NUBPL: variants seen among roughly 807,000 people sequenced by gnomAD.
The protein encoded by NUBPL is NUBP iron-sulfur cluster assembly factor, mitochondrial.
NUBPL carries 31 observed loss-of-function variants against 45.7 expected under a neutral mutation model. The observed-to-expected ratio is 0.68, with a 90% CI of 0.51 to 0.92. The LOEUF is 0.92. Among genes scored for constraint, NUBPL ranks in the 40% least tolerant of loss-of-function variants. NUBPL has a pLI of 0.00. For synonymous variants in NUBPL, 144 were observed against 140.9 expected (o/e 1.02, Z -0.15); for missense variants, 401 against 398.7 (o/e 1.01, Z -0.05).
chr14:31,673,908 A>T (rs970834103), intron 6 of NUBPL, among the ~76,000 whole-genome samples: 1 of 152,186 alleles, frequency 6.6e-6, no homozygotes, highest in Non-Finnish European at 1.5e-5. Flanking sequence ...ATTGTGGTCA[A>T]TATTGAGTTA....
At chr14:31,666,239 A>ATG (rs1566486956) in intron 4 of NUBPL, among the ~76,000 whole-genome samples, 1 of 22,818 alleles carries the variant, frequency 4.4e-5, no homozygotes, top group East Asian at 2.5e-3. Flanking sequence ...ATATATATAT[A>ATG]TATATATATA....
chr14:31,856,746 T>G (rs1411870176), intron 10 of NUBPL, among the ~76,000 whole-genome samples: 1 of 152,220 alleles, frequency 6.6e-6, no homozygotes, highest in African/African-American at 2.4e-5. Flanking sequence ...ATTATCTCCC[T>G]TGACTCTATG....
At chr14:31,747,503 C>T (rs191728649) in intron 6 of NUBPL, among the ~76,000 whole-genome samples, 3 of 152,206 alleles carry the variant, frequency 2.0e-5, no homozygotes, top group Non-Finnish European at 4.4e-5. Flanking sequence ...CATTATTGGC[C>T]TGCTCAGGTT....
chr14:31,720,964 G>A (rs1411365759), intron 6 of NUBPL, among the ~76,000 whole-genome samples: 1 of 152,138 alleles, frequency 6.6e-6, no homozygotes. Flanking sequence ...GTAAGTGAGG[G>A]ACACCAAGCC....
chr14:31,572,715 A>G (rs2033620739), intron 3 of NUBPL, among the ~76,000 whole-genome samples: 1 of 152,040 alleles, frequency 6.6e-6, no homozygotes, highest in Admixed American at 6.6e-5. Context: ...TTACTTTATG[A>G]TGGGGGTACC....
intron 6 of NUBPL, among the ~76,000 whole-genome samples, chr14:31,700,414 G>A (rs1290035780): frequency 6.6e-6 from 1 of 152,164 alleles, no homozygotes; most frequent in Non-Finnish European, 1.5e-5. Context: ...TGCTCTCGGT[G>A]CCTTCTCGGC....
At chr14:31,577,143 A>G (rs2033737679) in intron 3 of NUBPL, among the ~76,000 whole-genome samples, 1 of 152,156 alleles carries the variant, frequency 6.6e-6, no homozygotes. Context: ...TTGAAACCTT[A>G]ACATCATCCT....
intron 4 of NUBPL, among the ~76,000 whole-genome samples, chr14:31,643,293 A>T (rs764639380): frequency 2.6e-5 from 4 of 151,948 alleles, no homozygotes; most frequent in Non-Finnish European, 5.9e-5. Context: ...GCTGTGGGTT[A>T]TACGGCCTTT....
rs145898871 is a variant in NUBPL, at chr14:31,781,467, T to C, written c.514-6313T>C. Among the ~76,000 whole-genome samples the C allele has an allele frequency of 9.0e-3, 1,367 of 152,182 alleles. 24 individuals are homozygous for C. Among genetic ancestry groups the C allele is most frequent in the African/African-American group, 0.031 (1,289 of 41,532 alleles). ...TGCTTTTCTAGACCTTCAAGATAAATCTGAAACCAGAGAAACTAGACAGTT... is the reference window on the plus strand; with the variant it reads ...TGCTTTTCTAGACCTTCAAGATAAACCTGAAACCAGAGAAACTAGACAGTT... On this transcript the variant is annotated intron_variant, in intron 6 of 10. Transcript: ENST00000281081.
intron 4 of NUBPL, among the ~76,000 whole-genome samples, chr14:31,645,433 C>T (rs549732203): frequency 2.0e-5 from 3 of 152,212 alleles, no homozygotes; most frequent in African/African-American, 7.2e-5. Flanking sequence ...GCCACTTTGT[C>T]TTTTAATTAG....
intron 6 of NUBPL, among the ~76,000 whole-genome samples, chr14:31,691,587 T>G (rs1310325690): frequency 1.3e-5 from 2 of 152,166 alleles, no homozygotes; most frequent in Admixed American, 6.6e-5. Flanking sequence ...AATAGTCAGG[T>G]TGGGAGAAGG....
chr14:31,764,548 A>G lies in NUBPL; in HGVS notation c.514-23232A>G, dbSNP rs568843051. Among the ~76,000 whole-genome samples, 29 of 152,336 alleles carry G rather than the reference A, an allele frequency of 1.9e-4. 2 individuals are homozygous for G. The South Asian group carries it at 5.8e-3, about 30-fold the overall frequency. On this transcript the variant is annotated intron_variant, in intron 6 of 10. Transcript: ENST00000281081. The stretch of plus-strand genomic sequence containing the variant: ...TATGCATATTAATGTGTGATCTGTA[A>G]TATAAGATAAATATGAAGACAGCAG...
intron 6 of NUBPL, among the ~76,000 whole-genome samples, chr14:31,760,144 T>TGTGTGTGTGTGTGTGTGAGAGAGAGAGA: frequency 2.6e-4 from 9 of 34,834 alleles, no homozygotes; most frequent in African/African-American, 6.5e-4. Context: ...TGTGTGTGTG[T>TGTGTGTGTGTGTGTGTGAGAGAGAGAGA]GAGAGAGAGA....
At chr14:31,667,558 C>G (rs61997366) in intron 4 of NUBPL, among the ~76,000 whole-genome samples, 58 of 151,956 alleles carry the variant, frequency 3.8e-4, no homozygotes, top group Non-Finnish European at 6.9e-4. Context: ...TCTGTCAATT[C>G]GTCATACTCT....
chr14:31,666,263 A>ATATATATATATATATT, intron 4 of NUBPL, among the ~76,000 whole-genome samples: 5 of 111,874 alleles, frequency 4.5e-5, no homozygotes, highest in African/African-American at 1.5e-4. Context: ...ATATATATAT[A>ATATATATATATATATT]ATTTTATTTT....
intron 7 of NUBPL, among the ~76,000 whole-genome samples, chr14:31,811,176 C>A (rs1185727565): frequency 6.6e-6 from 1 of 152,074 alleles, no homozygotes; most frequent in Admixed American, 6.6e-5. Context: ...CCTTGCTGGG[C>A]TGGGGAAGTT....
At chr14:31,779,485 G>T (rs962985213) in intron 6 of NUBPL, among the ~76,000 whole-genome samples, 2 of 152,140 alleles carry the variant, frequency 1.3e-5, no homozygotes, top group Non-Finnish European at 1.5e-5. Flanking sequence ...TTACAAGGAA[G>T]AGACAGCATC....
chr14:31,588,913 CAAA>C (rs5807627), intron 3 of NUBPL, among the ~76,000 whole-genome samples: 4 of 121,774 alleles, frequency 3.3e-5, no homozygotes, highest in Admixed American at 8.3e-5. Flanking sequence ...GACTCCGTCT[CAAA>C]AAAAAAAAAA....
In NUBPL at chr14:31,623,476, C is replaced by G. The variant is rs574272717; in HGVS notation, c.382+24097C>G. 2.0e-5 allele frequency among the ~76,000 whole-genome samples: 3 copies of G among 152,222 alleles called. No individual in the cohort carries two copies. The South Asian group carries it at 6.2e-4, about 32-fold the overall frequency. ...TATTGTTTGGTTCAGTGTCCCCACC[C>G]AGATCTCATGTTGAATTGTAATCCC... On this transcript the variant is annotated intron_variant, in intron 4 of 10. Transcript: ENST00000281081.
Sources: gnomAD v4.1 joint callset for allele counts (sites outside exome capture counted in the v4.1 genomes callset) on GRCh38, gnomAD v4.1.1 for gene constraint, MANE v1.5 for transcripts, NCBI Gene and HGNC (gene_info 2026-07-23, HGNC 2026-07-21) for gene names.